RARB: variants seen among roughly 807,000 people sequenced by gnomAD.
RARB encodes retinoic acid receptor beta.
RARB carries 17 observed loss-of-function variants against 51.9 expected under a neutral mutation model. The observed-to-expected ratio is 0.33, with a 90% CI of 0.22 to 0.49. The LOEUF is 0.49. Among genes scored for constraint, RARB ranks in the 20% least tolerant of loss-of-function variants. The pLI is 0.99. For missense variants in RARB, 369 were observed against 550.8 expected (o/e 0.67, Z 3.30); for synonymous variants, 215 against 195.4 (o/e 1.10, Z -0.84).
intron 5 of RARB, among the ~76,000 whole-genome samples, chr3:25,586,050 C>G (rs746847538): frequency 2.6e-5 from 4 of 152,234 alleles, no homozygotes; most frequent in Admixed American, 6.5e-5. Flanking sequence ...ATTCTAGCCG[C>G]CCATCTGGCC....
At chr3:25,438,120 T>C (rs1268936670) in intron 1 of RARB, among the ~76,000 whole-genome samples, 1 of 152,158 alleles carries the variant, frequency 6.6e-6, no homozygotes, top group Admixed American at 6.5e-5. Flanking sequence ...TGGTGGTGGA[T>C]GTTGGTTGTC....
intron 2 of RARB, among the ~76,000 whole-genome samples, chr3:25,463,644 AGAGT>A (rs1695297605): frequency 1.3e-5 from 2 of 151,560 alleles, no homozygotes; most frequent in Non-Finnish European, 2.9e-5. Context: ...GCCTGACGAC[AGAGT>A]GAGACTCCAT....
chr3:25,089,181 T>C (rs1699153422), intron 3 of RARB, among the ~76,000 whole-genome samples: 1 of 152,034 alleles, frequency 6.6e-6, no homozygotes. Flanking sequence ...ACAGACTTTA[T>C]AATTTATTTT....
chr3:24,881,746 G>C (rs1703170677), intron 2 of RARB, among the ~76,000 whole-genome samples: 1 of 152,146 alleles, frequency 6.6e-6, no homozygotes. Context: ...TGATGGCTGT[G>C]GCAGGTGGTA....
intron 3 of RARB, among the ~76,000 whole-genome samples, chr3:25,083,668 T>C (rs1195298781): frequency 6.6e-6 from 1 of 152,208 alleles, no homozygotes. Flanking sequence ...GATTATTTTT[T>C]CAAGATTTTG....
At chr3:25,058,308 T>G (rs539468592) in intron 2 of RARB, among the ~76,000 whole-genome samples, 110 of 152,004 alleles carry the variant, frequency 7.2e-4, no homozygotes, top group Non-Finnish European at 1.2e-3. Context: ...TTTTGTGTGG[T>G]TGGGTTGTAT....
intron 5 of RARB, among the ~76,000 whole-genome samples, chr3:25,380,747 C>T (rs767922043): frequency 6.6e-6 from 1 of 152,148 alleles, no homozygotes; most frequent in Non-Finnish European, 1.5e-5. Flanking sequence ...GAGTTCAAAA[C>T]CCAATTAGTA....
At chr3:25,294,752 A>G (rs191394718) in intron 5 of RARB, among the ~76,000 whole-genome samples, 1 of 146,980 alleles carries the variant, frequency 6.8e-6, no homozygotes, top group East Asian at 2.0e-4. Context: ...TTGGCAATGT[A>G]TTCGTGGCCT....
chr3:25,474,941 A>C (rs1344260734), intron 2 of RARB, among the ~76,000 whole-genome samples: 1 of 152,202 alleles, frequency 6.6e-6, no homozygotes, highest in Admixed American at 6.5e-5. Context: ...CAGTATACAT[A>C]CAGATATCAT....
chr3:25,330,309 G>T lies in RARB; in HGVS notation c.179-130884G>T, dbSNP rs146987303. 2.2e-3 allele frequency among the ~76,000 whole-genome samples: 336 copies of T among 152,232 alleles called. 3 individuals are homozygous for T. The highest frequency in any genetic ancestry group is 7.5e-3 in the African/African-American group (313 of 41,518). ...AAGGGAAGCCCATCAGACTAACAGC[G>T]GATCTCTCGGCAGACACTCTGCAAG... is the stretch of plus-strand genomic sequence containing the variant. On this transcript the variant is annotated intron_variant, in intron 5 of 11. Transcript: ENST00000383772.
chr3:25,134,241 T>C (rs1699996608), intron 4 of RARB, among the ~76,000 whole-genome samples: 1 of 151,888 alleles, frequency 6.6e-6, no homozygotes, highest in Admixed American at 6.6e-5. Context: ...TAAATAATAT[T>C]TAGTAGAGTG....
intron 4 of RARB, among the ~76,000 whole-genome samples, chr3:25,579,116 A>G (rs1027078211): frequency 2.0e-5 from 3 of 152,236 alleles, no homozygotes; most frequent in African/African-American, 7.2e-5. Context: ...TCTCATATAT[A>G]TCACCACCTC....
intron 4 of RARB, among the ~76,000 whole-genome samples, chr3:25,155,874 C>A (rs1415416658): frequency 1.3e-5 from 2 of 152,166 alleles, no homozygotes; most frequent in Non-Finnish European, 2.9e-5. Context: ...TGGTTCCCAG[C>A]CTTTTTACAT....
At chr3:25,064,613 T>A (rs541649407) in intron 3 of RARB, among the ~76,000 whole-genome samples, 2 of 152,140 alleles carry the variant, frequency 1.3e-5, no homozygotes, top group East Asian at 3.9e-4. Context: ...TATTGTGAAA[T>A]GTAGTTAGGG....
chr3:25,150,801 A>T (rs2125341356), intron 4 of RARB, among the ~76,000 whole-genome samples: 1 of 152,344 alleles, frequency 6.6e-6, no homozygotes, highest in East Asian at 1.9e-4. Context: ...GCCTTCTAGT[A>T]GTTTTAGAAA....
intron 5 of RARB, among the ~76,000 whole-genome samples, chr3:25,304,032 G>A (rs1704100598): frequency 6.6e-6 from 1 of 152,124 alleles, no homozygotes; most frequent in South Asian, 2.1e-4. Flanking sequence ...GATCCTCCTA[G>A]ACCCATCTTG....
intron 5 of RARB, among the ~76,000 whole-genome samples, chr3:25,411,642 A>C (rs904801126): frequency 3.3e-5 from 5 of 152,344 alleles, no homozygotes; most frequent in African/African-American, 9.6e-5. Flanking sequence ...CCAGACACTC[A>C]AATCGCCCGA....
At chr3:25,332,359 G>C (rs1704925288) in intron 5 of RARB, among the ~76,000 whole-genome samples, 1 of 152,202 alleles carries the variant, frequency 6.6e-6, no homozygotes, top group Admixed American at 6.6e-5. Flanking sequence ...TGGGATGCAA[G>C]GCTGGTTCAA....
intron 5 of RARB, among the ~76,000 whole-genome samples, chr3:25,222,534 C>T (rs1335313684): frequency 1.3e-5 from 2 of 151,844 alleles, no homozygotes; most frequent in East Asian, 3.9e-4. Context: ...CACAATGATG[C>T]CACTCCAATA....
Sources: gnomAD v4.1 joint callset for allele counts (sites outside exome capture counted in the v4.1 genomes callset) on GRCh38, gnomAD v4.1.1 for gene constraint, MANE v1.5 for transcripts, NCBI Gene and HGNC (gene_info 2026-07-23, HGNC 2026-07-21) for gene names.